XIRP2: variants seen among roughly 807,000 people sequenced by gnomAD.
The protein encoded by XIRP2 is xin actin binding repeat containing 2, also known as xin actin-binding repeat-containing protein 2.
In XIRP2, 236 loss-of-function variants were observed where a neutral mutation model predicts 277.0. The observed-to-expected ratio is 0.85, with a 90% CI of 0.77 to 0.95. XIRP2 has a LOEUF of 0.95. XIRP2 is among the 40% of genes least tolerant of loss of function. The pLI is 0.00. For synonymous variants in XIRP2, 1,490 were observed against 1,416.5 expected (o/e 1.05, Z -1.17); for missense variants, 4,640 against 4,157.5 (o/e 1.12, Z -3.19).
intron 5 of XIRP2, among the ~76,000 whole-genome samples, chr2:167,237,756 G>T (rs117225051): frequency 6.6e-6 from 1 of 152,202 alleles, no homozygotes; most frequent in East Asian, 1.9e-4. Flanking sequence ...CTGATCAGGT[G>T]CACATTCTCC....
At chr2:167,037,723 A>AC (rs1426580319) in intron 2 of XIRP2, among the ~76,000 whole-genome samples, 1 of 152,112 alleles carries the variant, frequency 6.6e-6, no homozygotes, top group African/African-American at 2.4e-5. Flanking sequence ...TAAATAAAAC[A>AC]GGGACACAGG....
chr2:167,224,136 A>G (rs889155164), intron 5 of XIRP2, among the ~76,000 whole-genome samples: 2 of 151,830 alleles, frequency 1.3e-5, no homozygotes, highest in African/African-American at 4.8e-5. Flanking sequence ...ACTCACTCTC[A>G]CTCCTATCAT....
At chr2:167,044,011 A>T (rs1188714188) in intron 2 of XIRP2, among the ~76,000 whole-genome samples, 2 of 152,088 alleles carry the variant, frequency 1.3e-5, no homozygotes, top group East Asian at 3.9e-4. Context: ...ATGAACATAG[A>T]TGCAAAAATC....
At chr2:167,156,360 A>C (rs16853097) in intron 3 of XIRP2, among the ~76,000 whole-genome samples, 15,046 of 152,212 alleles carry the variant, frequency 0.099, 798 homozygotes, top group South Asian at 0.15. Context: ...ATTACCTGCA[A>C]TACTGCATGA....
intron 2 of XIRP2, among the ~76,000 whole-genome samples, chr2:167,014,210 A>G (rs1687760923): frequency 6.6e-6 from 1 of 151,628 alleles, no homozygotes; most frequent in African/African-American, 2.4e-5. Context: ...ATTAGGAAAA[A>G]CAAATTAAAA....
intron 2 of XIRP2, among the ~76,000 whole-genome samples, chr2:167,020,896 A>G (rs1038761904): frequency 7.9e-5 from 12 of 152,060 alleles, no homozygotes; most frequent in African/African-American, 2.9e-4. Flanking sequence ...AGTCTTACTT[A>G]TTTCAAAATA....
intron 3 of XIRP2, among the ~76,000 whole-genome samples, chr2:167,146,077 T>C (rs1691856011): frequency 6.6e-6 from 1 of 152,116 alleles, no homozygotes. Flanking sequence ...GCCAGTCAGA[T>C]TTGGGAAAGA....
At position 167,226,401 on chromosome 2, in the gene XIRP2, C is replaced by T. The variant is rs1694603234; in HGVS notation, c.858+8101C>T. ...ATAGCTCTGTAGATTGTGGCAGGATCCCATGCTCTTTTTTGTAGAAATTGA... is the reference window on the plus strand; with the variant it reads ...ATAGCTCTGTAGATTGTGGCAGGATTCCATGCTCTTTTTTGTAGAAATTGA... On this transcript the variant is annotated intron_variant, in intron 5 of 10. Coordinates refer to ENST00000409195, the MANE Select transcript of XIRP2 (RefSeq NM_152381.6). 3.3e-5 allele frequency among the ~76,000 whole-genome samples: 5 copies of T among 152,160 alleles called. No homozygotes were observed. In the Middle Eastern group the frequency reaches 0.014, roughly 414 times the overall value.
Position 167,078,981 on chromosome 2 carries a change from T to C in XIRP2, c.409-56928T>C, listed in dbSNP as rs566157288. ...TCCAGCTTTTGCCTATTCAGTATTA[T>C]GTTGGCTGTGGGTTTGTCATACATG... On this transcript the variant is annotated intron_variant, in intron 2 of 10. Coordinates refer to ENST00000409195, the MANE Select transcript of XIRP2 (RefSeq NM_152381.6). 4.2e-3 allele frequency among the ~76,000 whole-genome samples: 640 copies of C among 152,332 alleles called. 4 individuals carry two copies. The highest frequency in any genetic ancestry group is 5.0e-3 in the Admixed American group (76 of 15,306).
At chr2:167,063,496 T>G (rs1689222136) in intron 2 of XIRP2, among the ~76,000 whole-genome samples, 1 of 151,954 alleles carries the variant, frequency 6.6e-6, no homozygotes. Flanking sequence ...TAATGAGAAG[T>G]GTTGAAATTC....
At chr2:166,918,104 G>A (rs1407902112) in intron 2 of XIRP2, among the ~76,000 whole-genome samples, 1 of 152,184 alleles carries the variant, frequency 6.6e-6, no homozygotes, top group Non-Finnish European at 1.5e-5. Flanking sequence ...TGGAAATACA[G>A]TAAATCAATA....
intron 2 of XIRP2, among the ~76,000 whole-genome samples, chr2:167,009,459 T>C (rs1182042116): frequency 6.6e-6 from 1 of 152,050 alleles, no homozygotes; most frequent in Non-Finnish European, 1.5e-5. Context: ...TAATCCAGTG[T>C]ATCATTGTCG....
intron 2 of XIRP2, among the ~76,000 whole-genome samples, chr2:166,904,148 T>C (rs917935373): frequency 1.3e-5 from 2 of 152,174 alleles, no homozygotes; most frequent in South Asian, 2.1e-4. Context: ...TCTGTATGTA[T>C]GTGCCTTATT....
Position 167,248,415 on chromosome 2 carries a change from T to C in XIRP2, c.7023T>C (p.Phe2341=). ...AGATAAAGGCTGAATTTGAAAGTTT[T>C]CCAGGCCTCCCTCTTCCTCCACCTC... ...TEKIKAEFES[F]PGLPLPPPPV... The change falls in exon 9 of 11, where the codon TTT becomes TTC. Residue 2341 remains phenylalanine, a synonymous_variant. Coordinates refer to ENST00000409195, the MANE Select transcript of XIRP2 (RefSeq NM_152381.6). 1 of 1,613,768 alleles carries C rather than the reference T, an allele frequency of 6.2e-7. No individual in the cohort carries two copies. Among genetic ancestry groups the C allele is most frequent in the Non-Finnish European group, 8.5e-7 (1 of 1,179,862 alleles).
chr2:167,258,339 C>T lies in XIRP2; in HGVS notation c.*522C>T, dbSNP rs894027501. The T allele has an allele frequency of 3.1e-6, 5 of 1,613,222 alleles. No homozygotes were observed. In the African/African-American group the frequency reaches 6.7e-5, roughly 22 times the overall value. On this transcript the variant is annotated 3_prime_UTR_variant, in exon 11 of 11. Coordinates refer to ENST00000409195, the MANE Select transcript of XIRP2 (RefSeq NM_152381.6). ...AAAGGACAAAGACAAGATCACTTTCCATTTTTGCAGCCTTATCTACAGTCC... is the reference window on the plus strand; with the variant it reads ...AAAGGACAAAGACAAGATCACTTTCTATTTTTGCAGCCTTATCTACAGTCC...
chr2:166,912,419 A>G lies in XIRP2; in HGVS notation c.408+8529A>G, dbSNP rs141216985. The stretch of plus-strand genomic sequence containing the variant: ...TCGAATCGGCTATTGAAGCTTGTGC[A>G]TTCGTCACATAGTTCTCGTGCCATG... On this transcript the variant is annotated intron_variant, in intron 2 of 10. Coordinates refer to ENST00000409195, the MANE Select transcript of XIRP2 (RefSeq NM_152381.6). 6.0e-4 allele frequency among the ~76,000 whole-genome samples: 92 copies of G among 152,286 alleles called. 1 individual carries two copies. Among genetic ancestry groups the G allele is most frequent in the East Asian group, 4.0e-3 (21 of 5,188 alleles).
At chr2:167,201,533 T>C (rs1424451696) in intron 3 of XIRP2, among the ~76,000 whole-genome samples, 1 of 152,130 alleles carries the variant, frequency 6.6e-6, no homozygotes, top group Non-Finnish European at 1.5e-5. Context: ...TTCCCTTCCT[T>C]GCAGTTAAGT....
At chr2:166,952,239 C>G (rs991880288) in intron 2 of XIRP2, among the ~76,000 whole-genome samples, 5 of 152,072 alleles carry the variant, frequency 3.3e-5, no homozygotes, top group South Asian at 2.1e-4. Flanking sequence ...CTACATTCGT[C>G]CGGTGGATGA....
At chr2:167,040,948 T>G (rs1688644784) in intron 2 of XIRP2, among the ~76,000 whole-genome samples, 1 of 152,182 alleles carries the variant, frequency 6.6e-6, no homozygotes, top group South Asian at 2.1e-4. Context: ...TGCCCACACA[T>G]GCATGGGACA....
Sources: allele counts gnomAD v4.1 joint callset (sites outside exome capture counted in the v4.1 genomes callset), GRCh38; gene constraint gnomAD v4.1.1; transcripts MANE v1.5; gene names NCBI Gene and HGNC (gene_info 2026-07-23, HGNC 2026-07-21).